Variants in PATJ observed in about 807,000 individuals in gnomAD.
PATJ encodes the protein inaD-like protein.
PATJ carries 190 observed loss-of-function variants against 224.9 expected under a neutral mutation model. The observed-to-expected ratio is 0.84, with a 90% CI of 0.75 to 0.95. The LOEUF (loss-of-function observed/expected upper bound fraction) is 0.95. PATJ is among the 40% of genes least tolerant of loss of function. The pLI is 0.00. For missense variants in PATJ, 2,121 were observed against 2,270.3 expected, an observed-to-expected ratio of 0.93 and a Z score of 1.34; for synonymous variants, 769 against 820.3, an observed-to-expected ratio of 0.94 and a Z score of 1.07.
intron 24 of PATJ, among the ~76,000 whole-genome samples, chr1:61,903,114 G>C (rs2149174418): frequency 6.6e-6 from 1 of 152,290 alleles, no homozygotes; most frequent in Non-Finnish European, 1.5e-5. Context: ...GAACGCAGCG[G>C]AGAGTCACTG....
Position 61,744,908 on chromosome 1 carries a change from G to A in PATJ, c.-36+2353G>A, listed in dbSNP as rs112505553. ...TGGTTAACTTGCTAGAGCAGCTCAC[G>A]GAACTCAAGAAAACACTTATTTAGG... On this transcript the variant is annotated intron_variant, in intron 1 of 43. Transcript: ENST00000642238. Among the ~76,000 whole-genome samples, 319 of 152,218 alleles carry A rather than the reference G, an allele frequency of 2.1e-3. 2 individuals carry two copies. Among genetic ancestry groups the A allele is most frequent in the African/African-American group, 7.3e-3 (304 of 41,552 alleles).
At chr1:61,964,417 A>G (rs1036966040) in intron 27 of PATJ, among the ~76,000 whole-genome samples, 2 of 152,150 alleles carry the variant, frequency 1.3e-5, no homozygotes, top group African/African-American at 4.8e-5. Context: ...GTTCTCGACT[A>G]TTCTTAAAAT....
At chr1:61,833,236 T>C (rs977745289) in intron 16 of PATJ, 1 of 152,374 alleles carries the variant, frequency 6.6e-6, no homozygotes, top group Non-Finnish European at 1.5e-5. Context: ...TTTCTTTGTC[T>C]CTCTCTGTAA....
At chr1:62,157,329 A>G (rs926628654) in intron 43 of PATJ, among the ~76,000 whole-genome samples, 1 of 149,298 alleles carries the variant, frequency 6.7e-6, no homozygotes, top group Admixed American at 7.0e-5. Context: ...ATCTCAAAAA[A>G]AAAAGTTATC....
chr1:62,043,449 T>C (rs1651905433), intron 30 of PATJ, among the ~76,000 whole-genome samples: 1 of 152,110 alleles, frequency 6.6e-6, no homozygotes, highest in Non-Finnish European at 1.5e-5. Context: ...TTAAAATGGG[T>C]TTGATAATAA....
intron 22 of PATJ, among the ~76,000 whole-genome samples, chr1:61,889,605 T>G (rs908040840): frequency 2.0e-5 from 3 of 152,134 alleles, no homozygotes; most frequent in African/African-American, 7.2e-5. Context: ...ATCAAATAGA[T>G]CAGTACTGCA....
At position 61,812,433 on chromosome 1, in the gene PATJ, A is replaced by AGAGAGAGAGTGTGTGTGTGTGTGTGT. The variant is rs1397549346; in HGVS notation, c.1683+3904_1683+3905insAGAGAGAGTGTGTGTGTGTGTGTGTG. On this transcript the variant is annotated intron_variant, in intron 14 of 43. Transcript: ENST00000642238. The stretch of plus-strand genomic sequence containing the variant: ...GAGAGAGAGAGAGAGAGAGAGAGAG[A>AGAGAGAGAGTGTGTGTGTGTGTGTGT]GTGTGTGTGTGTGTGTGTGTGTGTG... Among the ~76,000 whole-genome samples the AGAGAGAGAGTGTGTGTGTGTGTGTGT allele has an allele frequency of 2.5e-3, 213 of 85,130 alleles. 2 individuals carry two copies. The highest frequency in any genetic ancestry group is 4.2e-3 in the Non-Finnish European group (178 of 42,106). 55.8% of individuals were successfully genotyped at this position (85,130 alleles called of 152,430 possible). A position where few individuals can be genotyped will look rare whatever the true frequency, so the allele number is the denominator to read the frequency against.
At chr1:62,042,956 T>C (rs17313395) in intron 30 of PATJ, among the ~76,000 whole-genome samples, 47,723 of 152,106 alleles carry the variant, frequency 0.31, 8,931 homozygotes, top group Middle Eastern at 0.48. Context: ...GTCACTGAGC[T>C]CTTATTATGT....
intron 27 of PATJ, among the ~76,000 whole-genome samples, chr1:61,938,088 T>C (rs534339260): frequency 2.1e-4 from 32 of 152,338 alleles, no homozygotes; most frequent in Non-Finnish European, 4.3e-4. Context: ...TTCTTTGTTT[T>C]GGGGCAGTCC....
At chr1:61,968,581 T>C (rs1166230089) in intron 27 of PATJ, among the ~76,000 whole-genome samples, 1 of 152,156 alleles carries the variant, frequency 6.6e-6, no homozygotes, top group African/African-American at 2.4e-5. Flanking sequence ...TTATTATACT[T>C]TAAGTTCTAG....
chr1:62,148,423 C>T lies in PATJ; in HGVS notation c.5378+33C>T, dbSNP rs115001820. ...TTTCAGATGCAGAGGGCCTATTATG[C>T]ATGTGGGCAAAGCTCGGAAGAACTT... is the stretch of plus-strand genomic sequence containing the variant. On this transcript the variant is annotated intron_variant, in intron 42 of 43. Transcript: ENST00000642238. 19,944 of 1,474,268 alleles carry T rather than the reference C, an allele frequency of 0.014. 167 individuals carry two copies. The highest frequency in any genetic ancestry group is 0.016 in the Non-Finnish European group (16,945 of 1,052,362). The allele number at this position is 1,474,268 out of a possible 1,614,324, so 91.3% of individuals were successfully genotyped here. A position where few individuals can be genotyped will look rare whatever the true frequency, so the allele number is the denominator to read the frequency against.
chr1:61,791,551 A>G (rs3790577), intron 9 of PATJ, 104 bp downstream of exon 9: 324,948 of 673,330 alleles, frequency 0.48, 81,720 homozygotes, highest in South Asian at 0.63. Flanking sequence ...ATCTTGAACA[A>G]TAAAACCATG....
intron 21 of PATJ, among the ~76,000 whole-genome samples, chr1:61,883,008 T>C (rs1459211487): frequency 1.3e-5 from 2 of 152,218 alleles, no homozygotes; most frequent in Non-Finnish European, 2.9e-5. Context: ...AGACAATATA[T>C]GTGGACATAC....
intron 6 of PATJ, 117 bp from the exon 7 acceptor site, chr1:61,775,089 A>G (rs1646838852): frequency 8.7e-6 from 9 of 1,034,254 alleles, no homozygotes; most frequent in Middle Eastern, 4.4e-4. Context: ...TGCCTTGATT[A>G]ATTGCATGAA....
intron 31 of PATJ, among the ~76,000 whole-genome samples, chr1:62,070,816 A>G (rs1482459283): frequency 6.6e-6 from 1 of 152,318 alleles, no homozygotes; most frequent in East Asian, 1.9e-4. Flanking sequence ...AAGTGTAGGC[A>G]TGGTCATCCA....
At chr1:61,996,202 A>T (rs541801149) in intron 28 of PATJ, among the ~76,000 whole-genome samples, 1 of 152,288 alleles carries the variant, frequency 6.6e-6, no homozygotes, top group Non-Finnish European at 1.5e-5. Context: ...ATAAAGACAT[A>T]GAGCTACAGG....
rs571573344 is a variant in PATJ at position 61,787,770 on chromosome 1, C to A, written c.866C>A (p.Thr289Lys). ...TTCTTGAAGGATGGAAGACTCCAGA[C>A]AGGGGACCACATCTTGAAGATTGGT... ...GLADRDGRLQ[T>K]GDHILKIGGT... Residue 289 changes from threonine (T) to lysine (K), a missense_variant, in exon 8 of 44, where the codon ACA (threonine) becomes AAA (lysine). Coordinates refer to ENST00000642238, the MANE Select transcript of PATJ (RefSeq NM_001350145.3). 2.5e-6 allele frequency: 4 copies of A among 1,613,694 alleles called. No homozygotes were observed. In the Admixed American group the frequency reaches 6.7e-5, roughly 27 times the overall value.
At chr1:61,895,992 T>A (rs1487597155) in intron 22 of PATJ, among the ~76,000 whole-genome samples, 3 of 152,174 alleles carry the variant, frequency 2.0e-5, no homozygotes, top group African/African-American at 7.2e-5. Context: ...GAGATCATTT[T>A]GGAGCTTTAA....
intron 27 of PATJ, among the ~76,000 whole-genome samples, chr1:61,935,012 G>C (rs894703178): frequency 6.6e-6 from 1 of 152,150 alleles, no homozygotes; most frequent in Non-Finnish European, 1.5e-5. Flanking sequence ...TCTATCCCCA[G>C]AAATCCCTGC....
Sources: gnomAD v4.1 joint callset for allele counts (sites outside exome capture counted in the v4.1 genomes callset) on GRCh38, gnomAD v4.1.1 for gene constraint, MANE v1.5 for transcripts, NCBI Gene and HGNC (gene_info 2026-07-23, HGNC 2026-07-21) for gene names.